Variants in CCDC148 observed in about 807,000 individuals in gnomAD.
CCDC148 encodes coiled-coil domain containing 148.
Under a neutral mutation model 85.7 loss-of-function variants are expected in CCDC148, and 89 were observed. That is an observed-to-expected ratio of 1.04 (90% CI 0.87 to 1.24). CCDC148 has a LOEUF of 1.24. CCDC148 is among the 50% of genes most tolerant of loss of function. The pLI is 0.00. For missense variants in CCDC148, 692 were observed against 671.7 expected, an observed-to-expected ratio of 1.03 and a Z score of -0.33; for synonymous variants, 230 against 213.9, an observed-to-expected ratio of 1.08 and a Z score of -0.66.
At chr2:158,330,344 C>T (rs1025276111) in intron 7 of CCDC148, among the ~76,000 whole-genome samples, 7 of 152,166 alleles carry the variant, frequency 4.6e-5, no homozygotes, top group Non-Finnish European at 8.8e-5. Context: ...AGCCTTGCAT[C>T]CCAGGGATGA....
In CCDC148 at chr2:158,313,841, T is replaced by C; in HGVS notation, c.818A>G (p.Gln273Arg). 1.9e-6 allele frequency: 3 copies of C among 1,613,938 alleles called. No individual in the cohort carries two copies. Among genetic ancestry groups the C allele is most frequent in the Non-Finnish European group, 2.5e-6 (3 of 1,179,920 alleles). Residue 273 changes from glutamine (Q) to arginine (R), a missense_variant, in exon 8 of 14, where the codon CAG (glutamine) becomes CGG (arginine). By Grantham distance (43) the Gln-to-Arg change is conservative. Transcript: ENST00000283233. ...TCTTCCAAAGAGATCTCCAGGGTAC[T>C]GATCCAAAATAGCCTGGTAAATCCA... The part of the protein sequence containing the change: ...DHWIYQAILD[Q>R]YPGDLFGRRT...
In CCDC148 at chr2:158,352,070, A is replaced by G. The variant is rs1469869405; in HGVS notation, c.147+6379T>C. The stretch of plus-strand genomic sequence containing the variant: ...GAAAGGACATCCACACCAAAAACCC[A>G]TCTGTACATCACCATCATCAAAGAC... On this transcript the variant is annotated intron_variant, in intron 2 of 13. Coordinates refer to ENST00000283233, the MANE Select transcript of CCDC148 (RefSeq NM_138803.4). Among the ~76,000 whole-genome samples the G allele has an allele frequency of 2.1e-5, 3 of 143,362 alleles. No homozygotes were observed. The East Asian group carries it at 6.1e-4, about 29-fold the overall frequency. 94.1% of individuals were successfully genotyped at this position (143,362 alleles called of 152,430 possible).
intron 2 of CCDC148, among the ~76,000 whole-genome samples, chr2:158,350,268 A>G (rs569262478): frequency 3.9e-5 from 6 of 152,324 alleles, no homozygotes; most frequent in African/African-American, 1.4e-4. Context: ...TGAGTCTATC[A>G]CCAAAGAGAA....
chr2:158,317,420 C>T (rs1001440734), intron 7 of CCDC148, among the ~76,000 whole-genome samples: 2 of 152,148 alleles, frequency 1.3e-5, no homozygotes, highest in African/African-American at 4.8e-5. Flanking sequence ...TCTCATTCAC[C>T]ATCCCCTGCC....
At chr2:158,383,207 C>A (rs1381237401) in intron 1 of CCDC148, among the ~76,000 whole-genome samples, 1 of 151,762 alleles carries the variant, frequency 6.6e-6, no homozygotes, top group Admixed American at 6.6e-5. Flanking sequence ...ATTCTAGCTA[C>A]TTGGGAGGCT....
intron 9 of CCDC148, among the ~76,000 whole-genome samples, chr2:158,298,227 A>AT: frequency 6.6e-6 from 1 of 152,236 alleles, no homozygotes; most frequent in African/African-American, 2.4e-5. Flanking sequence ...ACATGTGGGG[A>AT]TTATGGGAAT....
intron 1 of CCDC148, among the ~76,000 whole-genome samples, chr2:158,424,316 C>A (rs1011213153): frequency 6.6e-6 from 1 of 152,092 alleles, no homozygotes; most frequent in Non-Finnish European, 1.5e-5. Context: ...TGGAACCAAC[C>A]CAAATGTCCA....
intron 1 of CCDC148, among the ~76,000 whole-genome samples, chr2:158,453,934 C>T (rs1213897650): frequency 6.6e-6 from 1 of 152,114 alleles, no homozygotes; most frequent in Non-Finnish European, 1.5e-5. Flanking sequence ...GCACTTTTCC[C>T]AAGGTGGCCA....
intron 11 of CCDC148, among the ~76,000 whole-genome samples, chr2:158,190,198 A>G (rs529917300): frequency 6.6e-6 from 1 of 152,062 alleles, no homozygotes; most frequent in South Asian, 2.1e-4. Context: ...AAACTGAGGC[A>G]TGACATCCAC....
intron 11 of CCDC148, among the ~76,000 whole-genome samples, chr2:158,196,318 C>T (rs1195252168): frequency 6.6e-6 from 1 of 152,110 alleles, no homozygotes; most frequent in Non-Finnish European, 1.5e-5. Flanking sequence ...TGCCACTGCA[C>T]ATCTCTTCCC....
intron 9 of CCDC148, among the ~76,000 whole-genome samples, chr2:158,304,721 C>A (rs746502710): frequency 3.3e-5 from 5 of 152,170 alleles, no homozygotes; most frequent in Non-Finnish European, 5.9e-5. Flanking sequence ...TACATCAGGA[C>A]TTTTCCTGAA....
chr2:158,195,621 A>G (rs1558972611), intron 11 of CCDC148, among the ~76,000 whole-genome samples: 1 of 152,054 alleles, frequency 6.6e-6, no homozygotes, highest in Non-Finnish European at 1.5e-5. Flanking sequence ...GTCACAGACC[A>G]CTCAGGAAAT....
intron 9 of CCDC148, among the ~76,000 whole-genome samples, chr2:158,263,245 G>C (rs1689308721): frequency 6.6e-6 from 1 of 152,028 alleles, no homozygotes; most frequent in African/African-American, 2.4e-5. Context: ...TGGAGGCCTT[G>C]AGAAAGTTAG....
chr2:158,384,123 T>G (rs1009185200), intron 1 of CCDC148, among the ~76,000 whole-genome samples: 2 of 152,216 alleles, frequency 1.3e-5, no homozygotes, highest in Non-Finnish European at 2.9e-5. Flanking sequence ...TTGCATTACC[T>G]GATTTCCCTT....
intron 9 of CCDC148, among the ~76,000 whole-genome samples, chr2:158,252,281 C>T (rs13026705): frequency 0.33 from 49,395 of 151,462 alleles, 9,902 homozygotes; most frequent in South Asian, 0.59. Context: ...ATCAAAATAA[C>T]CCAGGAAATT....
intron 1 of CCDC148, among the ~76,000 whole-genome samples, chr2:158,365,402 G>A (rs1220321462): frequency 3.3e-5 from 5 of 152,112 alleles, no homozygotes; most frequent in Admixed American, 1.3e-4. Flanking sequence ...ACTTGGAACC[G>A]ACCCAAATTC....
intron 10 of CCDC148, among the ~76,000 whole-genome samples, chr2:158,232,142 AAAG>A (rs1403741131): frequency 6.6e-6 from 1 of 152,196 alleles, no homozygotes; most frequent in Non-Finnish European, 1.5e-5. Flanking sequence ...CAGAAAAACA[AAAG>A]AAGCACTCAT....
At chr2:158,348,475 G>C (rs1683104408) in intron 2 of CCDC148, among the ~76,000 whole-genome samples, 1 of 151,526 alleles carries the variant, frequency 6.6e-6, no homozygotes, top group African/African-American at 2.4e-5. Context: ...ATATCTAGAA[G>C]CTTATTTAAA....
intron 1 of CCDC148, among the ~76,000 whole-genome samples, chr2:158,446,251 A>G (rs1186917732): frequency 6.6e-6 from 1 of 152,080 alleles, no homozygotes; most frequent in African/African-American, 2.4e-5. Context: ...GCTACTCAGG[A>G]GGCTGAGGCA....
Sources: allele counts gnomAD v4.1 joint callset (sites outside exome capture counted in the v4.1 genomes callset), GRCh38; gene constraint gnomAD v4.1.1; transcripts MANE v1.5; gene names NCBI Gene and HGNC (gene_info 2026-07-23, HGNC 2026-07-21).